ANKRD17: variants seen among roughly 807,000 people sequenced by gnomAD.
ANKRD17 encodes the protein ankyrin repeat domain 17.
In ANKRD17, 19 loss-of-function variants were observed where a neutral mutation model predicts 229.7. The ratio of observed to expected loss-of-function variants is 0.08; its 90% confidence interval spans 0.06 to 0.12. The LOEUF (loss-of-function observed/expected upper bound fraction) is 0.12. Among genes scored for constraint, ANKRD17 ranks in the 10% least tolerant of loss-of-function variants. The pLI is 1.00. For missense variants in ANKRD17, 2,176 were observed against 3,176.8 expected, an observed-to-expected ratio of 0.68 and a Z score of 7.57; for synonymous variants, 1,112 against 1,146.1, an observed-to-expected ratio of 0.97 and a Z score of 0.60.
At chr4:73,151,625 T>A in intron 6 of ANKRD17, 101 bp from the exon 7 acceptor site, 2 of 869,226 alleles carry the variant, frequency 2.3e-6, no homozygotes, top group Non-Finnish European at 3.3e-6. Context: ...CTTACAGCAT[T>A]AAATTTATAA....
chr4:73,075,538 A>G lies in ANKRD17; in HGVS notation c.*693T>C, dbSNP rs1463947697. The G allele has an allele frequency of 1.3e-5, 2 of 152,626 alleles. No individual in the cohort carries two copies. The highest frequency in any genetic ancestry group is 2.9e-5 in the Non-Finnish European group (2 of 68,008). The allele number at this position is 152,626 out of a possible 1,614,324, so 9.5% of individuals were successfully genotyped here. A position where few individuals can be genotyped will look rare whatever the true frequency, so the allele number is the denominator to read the frequency against. ...AGAAAAGGTAATAAAACAACATGGA[A>G]AAGCCAGAAATTTCTTCTTCTATAT... On this transcript the variant is annotated 3_prime_UTR_variant, in exon 34 of 34. Transcript: ENST00000358602.
intron 1 of ANKRD17, among the ~76,000 whole-genome samples, chr4:73,195,548 C>T (rs1332778159): frequency 6.6e-6 from 1 of 151,698 alleles, no homozygotes; most frequent in Non-Finnish European, 1.5e-5. Flanking sequence ...CTCACTCTGT[C>T]ACCAGGCTGG....
chr4:73,171,178 G>GGGGAGAGAGAGAGAGA (rs1553928534), intron 2 of ANKRD17, among the ~76,000 whole-genome samples: 1 of 104,446 alleles, frequency 9.6e-6, no homozygotes, highest in African/African-American at 4.0e-5. Flanking sequence ...CTCAGAGGGG[G>GGGGAGAGAGAGAGAGA]GAGAGAGAGA....
intron 1 of ANKRD17, among the ~76,000 whole-genome samples, chr4:73,215,951 A>G (rs1475274828): frequency 6.6e-6 from 1 of 152,218 alleles, no homozygotes; most frequent in Non-Finnish European, 1.5e-5. Context: ...CTGTAGTCTC[A>G]GCTACTCAGG....
intron 1 of ANKRD17, among the ~76,000 whole-genome samples, chr4:73,218,602 C>A (rs1285947008): frequency 4.1e-5 from 6 of 144,868 alleles, no homozygotes; most frequent in African/African-American, 1.6e-4. Flanking sequence ...AAGGTCATGC[C>A]ACTGCACTCT....
chr4:73,091,495 A>G lies in ANKRD17; in HGVS notation c.6133T>C (p.Ser2045Pro), dbSNP rs1490776812. 6.2e-7 allele frequency: 1 copy of G among 1,614,078 alleles called. No homozygotes were observed. Among genetic ancestry groups the G allele is most frequent in the East Asian group, 2.2e-5 (1 of 44,882 alleles). The stretch of plus-strand genomic sequence containing the variant: ...CCTGGCTGGGCTGGTGGTGATGGGG[A>G]AGATGGGGATGATACTGGATAGTGT... Reference protein sequence around the residue: ...KEHYPVSSPSSPSPPAQPGGV... With the variant: ...KEHYPVSSPSPPSPPAQPGGV... The change falls in exon 29 of 34, where the codon TCC (serine) becomes CCC (proline). Residue 2045 changes from serine (S) to proline (P), a missense_variant. Physicochemically the swap from Ser to Pro is moderately conservative, Grantham distance 74 (BLOSUM62 -1). Transcript: ENST00000358602.
At chr4:73,122,400 C>T (rs748033885) in intron 18 of ANKRD17, among the ~76,000 whole-genome samples, 1 of 152,078 alleles carries the variant, frequency 6.6e-6, no homozygotes, top group Non-Finnish European at 1.5e-5. Context: ...TATTGCCAGT[C>T]GTCAATTTTA....
At chr4:73,134,492 T>C (rs1414400280) in intron 16 of ANKRD17, among the ~76,000 whole-genome samples, 2 of 152,166 alleles carry the variant, frequency 1.3e-5, no homozygotes, top group African/African-American at 4.8e-5. Flanking sequence ...AATCTCACCT[T>C]GCCCTGAGAT....
At chr4:73,196,107 C>A (rs2149086788) in intron 1 of ANKRD17, among the ~76,000 whole-genome samples, 1 of 146,536 alleles carries the variant, frequency 6.8e-6, no homozygotes, top group East Asian at 2.1e-4. Context: ...CAGAGTGATT[C>A]TTCTGCCTCA....
At chr4:73,256,342 C>T (rs937315151) in intron 1 of ANKRD17, among the ~76,000 whole-genome samples, 2 of 152,198 alleles carry the variant, frequency 1.3e-5, no homozygotes, top group African/African-American at 4.8e-5. Flanking sequence ...CCAGTAAGTA[C>T]TGCATTCAAC....
At position 73,091,406 on chromosome 4, in the gene ANKRD17, G is replaced by A. The variant is rs1722784675; in HGVS notation, c.6222C>T (p.Ser2074=). ...GSASPNKVAS[S]SEQEAGSPPV... ...GTGGACTACCTGCTTCCTGTTCGGA[G>A]GAAGATGCCACTTTATTTGGAGATG... Residue 2074 remains serine, a synonymous_variant, in exon 29 of 34, where the codon TCC becomes TCT. Coordinates refer to ENST00000358602, the MANE Select transcript of ANKRD17 (RefSeq NM_032217.5). 1 of 1,614,160 alleles carries A rather than the reference G, an allele frequency of 6.2e-7. No individual in the cohort carries two copies. Among genetic ancestry groups the A allele is most frequent in the Non-Finnish European group, 8.5e-7 (1 of 1,180,038 alleles).
At chr4:73,094,422 T>A (rs1023400710) in intron 27 of ANKRD17, among the ~76,000 whole-genome samples, 194 bp from the exon 28 acceptor site, 1 of 152,194 alleles carries the variant, frequency 6.6e-6, no homozygotes, top group Non-Finnish European at 1.5e-5. Flanking sequence ...TAAGCTTTAT[T>A]ATAGCTTCTC....
At chr4:73,142,856 A>G in intron 11 of ANKRD17, 89 bp from the exon 12 acceptor site, 1 of 1,420,844 alleles carries the variant, frequency 7.0e-7, no homozygotes. Flanking sequence ...GAGTAGAGAA[A>G]ATAGTATTAT....
At chr4:73,104,786 A>C (rs759689651) in intron 24 of ANKRD17, among the ~76,000 whole-genome samples, 8 of 152,046 alleles carry the variant, frequency 5.3e-5, no homozygotes, top group Non-Finnish European at 1.2e-4. Flanking sequence ...AATTTTTTTT[A>C]AAAGAATAAG....
chr4:73,097,784 C>T (rs1002246121), intron 26 of ANKRD17, among the ~76,000 whole-genome samples: 6 of 151,704 alleles, frequency 4.0e-5, no homozygotes, highest in Non-Finnish European at 7.4e-5. Context: ...ACACATTTAG[C>T]AGAGTTTAAT....
At chr4:73,203,561 TCCTGGCTAA>T (rs912400630) in intron 1 of ANKRD17, among the ~76,000 whole-genome samples, 2 of 151,574 alleles carry the variant, frequency 1.3e-5, no homozygotes, top group Non-Finnish European at 2.9e-5. Context: ...ATCGAGACCA[TCCTGGCTAA>T]CATGGTGAAA....
At chr4:73,109,474 G>C (rs371970373) in intron 24 of ANKRD17, among the ~76,000 whole-genome samples, 65 of 152,124 alleles carry the variant, frequency 4.3e-4, no homozygotes, top group African/African-American at 1.6e-3. Context: ...AGATGGTGTA[G>C]GTAAAGTCTT....
intron 1 of ANKRD17, among the ~76,000 whole-genome samples, chr4:73,201,947 C>G (rs1166382805): frequency 3.3e-5 from 5 of 152,142 alleles, no homozygotes; most frequent in Admixed American, 3.3e-4. Flanking sequence ...TGGCACTGCA[C>G]TGACACTATT....
intron 25 of ANKRD17, among the ~76,000 whole-genome samples, chr4:73,100,178 A>C (rs561404369): frequency 9.9e-5 from 15 of 152,140 alleles, no homozygotes; most frequent in Non-Finnish European, 2.1e-4. Context: ...CCAAATGTTC[A>C]TCCTCATTGC....
Sources: allele counts gnomAD v4.1 joint callset (sites outside exome capture counted in the v4.1 genomes callset), GRCh38; gene constraint gnomAD v4.1.1; transcripts MANE v1.5; gene names NCBI Gene and HGNC (gene_info 2026-07-23, HGNC 2026-07-21).